FRMD4B: variants seen among roughly 807,000 people sequenced by gnomAD.
FRMD4B encodes FERM domain containing 4B.
A neutral mutation model predicts 141.5 loss-of-function variants in FRMD4B; 74 were observed. The observed-to-expected ratio is 0.52, with a 90% CI of 0.43 to 0.63. The LOEUF is 0.63. FRMD4B is among the 30% of genes least tolerant of loss of function. The probability of loss-of-function intolerance (pLI) is 0.00; values close to 1 mark genes in which losing one functional copy is unlikely to be tolerated. For synonymous variants in FRMD4B, 506 were observed against 467.9 expected (o/e 1.08, Z -1.05); for missense variants, 1,366 against 1,253.4 (o/e 1.09, Z -1.36).
At chr3:69,539,447 C>G (rs546977608) in intron 1 of FRMD4B, among the ~76,000 whole-genome samples, 2 of 152,348 alleles carry the variant, frequency 1.3e-5, no homozygotes, top group African/African-American at 4.8e-5. Flanking sequence ...ATGCAACCAT[C>G]TGCCTGTTTG....
intron 1 of FRMD4B, among the ~76,000 whole-genome samples, chr3:69,466,173 G>T (rs1242362009): frequency 1.3e-5 from 2 of 152,082 alleles, no homozygotes; most frequent in Non-Finnish European, 2.9e-5. Context: ...GTGTCTGTTG[G>T]CTACATAAAC....
At chr3:69,202,945 A>T (rs1285447864) in intron 11 of FRMD4B, among the ~76,000 whole-genome samples, 2 of 152,218 alleles carry the variant, frequency 1.3e-5, no homozygotes, top group African/African-American at 2.4e-5. Flanking sequence ...TCTTAAGGTT[A>T]CAAACCTTAT....
chr3:69,172,039 C>A, intron 22 of FRMD4B, 58 bp from the exon 23 acceptor site: 1 of 1,532,998 alleles, frequency 6.5e-7, no homozygotes, highest in Non-Finnish European at 9.0e-7. Context: ...CCCCACAGCA[C>A]AAAGACTACT....
intron 1 of FRMD4B, among the ~76,000 whole-genome samples, chr3:69,540,371 T>C (rs1297506681): frequency 6.6e-6 from 1 of 151,528 alleles, no homozygotes; most frequent in Non-Finnish European, 1.5e-5. Flanking sequence ...TCCCAGCACT[T>C]TGGGAGGCCG....
At chr3:69,196,691 A>G (rs2092909021) in intron 13 of FRMD4B, 1 of 578,744 alleles carries the variant, frequency 1.7e-6, no homozygotes, top group South Asian at 2.2e-5. Context: ...GTGCATGCCA[A>G]AAAGTTGGCC....
chr3:69,325,080 AAAAAAAAAG>A (rs1246599594), intron 1 of FRMD4B, among the ~76,000 whole-genome samples: 29 of 135,674 alleles, frequency 2.1e-4, no homozygotes, highest in Admixed American at 7.2e-4. Context: ...CTGTCTAAAA[AAAAAAAAAG>A]AAAGAAAGAA....
chr3:69,476,449 A>G (rs1425021792), intron 1 of FRMD4B, among the ~76,000 whole-genome samples: 1 of 152,194 alleles, frequency 6.6e-6, no homozygotes, highest in Non-Finnish European at 1.5e-5. Context: ...AGCACCATTT[A>G]TTAAATAAGG....
intron 1 of FRMD4B, among the ~76,000 whole-genome samples, chr3:69,316,826 A>T (rs1460347112): frequency 6.6e-6 from 1 of 152,242 alleles, no homozygotes; most frequent in Admixed American, 6.5e-5. Flanking sequence ...TTATTTCCTG[A>T]CTTTAAAAAA....
intron 3 of FRMD4B, among the ~76,000 whole-genome samples, chr3:69,307,842 C>G (rs1481096313): frequency 2.0e-5 from 3 of 152,198 alleles, no homozygotes; most frequent in Non-Finnish European, 2.9e-5. Context: ...CTCCCTATAA[C>G]ATCCTTCCAT....
intron 9 of FRMD4B, among the ~76,000 whole-genome samples, chr3:69,219,134 C>T (rs1297960111): frequency 6.9e-6 from 1 of 145,442 alleles, no homozygotes; most frequent in African/African-American, 2.5e-5. Context: ...TATTGCACTC[C>T]AGCCTGGGTG....
At chr3:69,376,381 A>C (rs553116770) in intron 1 of FRMD4B, among the ~76,000 whole-genome samples, 1 of 152,204 alleles carries the variant, frequency 6.6e-6, no homozygotes, top group African/African-American at 2.4e-5. Context: ...TTATTCTTAA[A>C]GGTAGCACAT....
At chr3:69,427,155 A>G (rs370744541) in intron 2 of FRMD4B, among the ~76,000 whole-genome samples, 28 of 151,792 alleles carry the variant, frequency 1.8e-4, no homozygotes, top group African/African-American at 5.1e-4. Flanking sequence ...TCCCTAATAC[A>G]AAGATTTCCA....
chr3:69,455,541 A>T (rs984507071), intron 1 of FRMD4B, among the ~76,000 whole-genome samples: 4 of 152,174 alleles, frequency 2.6e-5, no homozygotes, highest in Non-Finnish European at 4.4e-5. Flanking sequence ...TTAACCGGTA[A>T]GAAGGAAGAA....
intron 11 of FRMD4B, 52 bp downstream of exon 11, chr3:69,216,211 G>A (rs1414784685): frequency 4.2e-6 from 4 of 958,494 alleles, no homozygotes; most frequent in Admixed American, 4.1e-5. Flanking sequence ...ACTATGTTGT[G>A]ATTAACATGT....
At chr3:69,245,843 T>G (rs541419181) in intron 7 of FRMD4B, among the ~76,000 whole-genome samples, 2 of 144,310 alleles carry the variant, frequency 1.4e-5, no homozygotes, top group East Asian at 2.0e-4. Flanking sequence ...TGTTTTTTTT[T>G]TTTTTTTTTT....
At chr3:69,266,404 C>A (rs937503639) in intron 5 of FRMD4B, among the ~76,000 whole-genome samples, 1 of 152,152 alleles carries the variant, frequency 6.6e-6, no homozygotes, top group African/African-American at 2.4e-5. Flanking sequence ...TGGCTCACTG[C>A]AACCTCTGCC....
At chr3:69,262,585 T>C (rs907330919) in intron 5 of FRMD4B, among the ~76,000 whole-genome samples, 1 of 142,542 alleles carries the variant, frequency 7.0e-6, no homozygotes, top group African/African-American at 2.6e-5. Flanking sequence ...TCAGCCTCCC[T>C]AGTAGCTGGG....
chr3:69,306,992 T>C (rs1701416764), intron 3 of FRMD4B, among the ~76,000 whole-genome samples: 1 of 151,996 alleles, frequency 6.6e-6, no homozygotes, highest in Non-Finnish European at 1.5e-5. Context: ...TAAGCAATAT[T>C]CCAGGCCCGC....
chr3:69,324,234 T>C (rs897231594), intron 1 of FRMD4B, among the ~76,000 whole-genome samples: 4 of 152,222 alleles, frequency 2.6e-5, no homozygotes, highest in Non-Finnish European at 5.9e-5. Context: ...TTGTCAGTTA[T>C]GTGGCCTCCT....
Sources: gnomAD v4.1 joint callset for allele counts (sites outside exome capture counted in the v4.1 genomes callset) on GRCh38, gnomAD v4.1.1 for gene constraint, MANE v1.5 for transcripts, NCBI Gene and HGNC (gene_info 2026-07-23, HGNC 2026-07-21) for gene names.